FAT3: variants seen among roughly 807,000 people sequenced by gnomAD.
FAT3 encodes protocadherin Fat 3.
In FAT3, 95 loss-of-function variants were observed where a neutral mutation model predicts 310.2. The observed-to-expected ratio is 0.31, with a 90% CI of 0.26 to 0.36. FAT3 has a LOEUF of 0.36. Among genes scored for constraint, FAT3 ranks in the 10% least tolerant of loss-of-function variants. FAT3 has a pLI of 1.00. For synonymous variants in FAT3, 2,314 were observed against 2,192.9 expected, an observed-to-expected ratio of 1.06 and a Z score of -1.54; for missense variants, 5,408 against 5,715.6, an observed-to-expected ratio of 0.95 and a Z score of 1.74.
rs776072644 is a variant in FAT3 at position 92,799,004 on chromosome 11, C to T, written c.5991C>T (p.Asn1997=). 2 of 1,613,948 alleles carry T rather than the reference C, an allele frequency of 1.2e-6. No individual in the cohort carries two copies. Among genetic ancestry groups the T allele is most frequent in the South Asian group, 2.2e-5 (2 of 91,078 alleles). The change falls in exon 10 of 28, where the codon AAC becomes AAT. Residue 1997 remains asparagine, a synonymous_variant. Coordinates refer to ENST00000525166, the MANE Select transcript of FAT3 (RefSeq NM_001367949.2). ...CCTCAATCTCAGAGAACAACACTAACATAACCAAAGTTGCTATTGTCAATG... is the reference window on the plus strand; with the variant it reads ...CCTCAATCTCAGAGAACAACACTAATATAACCAAAGTTGCTATTGTCAATG... ...YSTSISENNT[N]ITKVAIVNAV... is the part of the protein sequence containing the mutation.
At chr11:92,342,257 C>T (rs1948283360) in intron 1 of FAT3, among the ~76,000 whole-genome samples, 1 of 152,136 alleles carries the variant, frequency 6.6e-6, no homozygotes. Context: ...TGCCCCTTCA[C>T]CTCAATGATG....
chr11:92,253,773 G>A (rs1022799530), intron 1 of FAT3, among the ~76,000 whole-genome samples: 1 of 152,058 alleles, frequency 6.6e-6, no homozygotes, highest in Non-Finnish European at 1.5e-5. Context: ...TTTTTTAAGA[G>A]GTGAGTTTTA....
intron 1 of FAT3, among the ~76,000 whole-genome samples, chr11:92,349,508 C>A (rs765011036): frequency 6.6e-6 from 1 of 152,220 alleles, no homozygotes; most frequent in Admixed American, 6.5e-5. Context: ...GTGGGCTTCG[C>A]CACTCTGCTA....
chr11:92,657,660 A>G lies in FAT3; in HGVS notation c.3608-39724A>G, dbSNP rs540768540. ...TTTGAACAACTAGGAATATTTATCA[A>G]ATTTTCAGAGGACATAAAGATAAAA... On this transcript the variant is annotated intron_variant, in intron 3 of 27. Coordinates refer to ENST00000525166, the MANE Select transcript of FAT3 (RefSeq NM_001367949.2). Among the ~76,000 whole-genome samples, 5 of 152,356 alleles carry G rather than the reference A, an allele frequency of 3.3e-5. No homozygotes were observed. In the East Asian group the frequency reaches 5.8e-4, roughly 18 times the overall value.
intron 3 of FAT3, among the ~76,000 whole-genome samples, chr11:92,663,299 G>T (rs533378700): frequency 6.6e-6 from 1 of 152,248 alleles, no homozygotes; most frequent in East Asian, 1.9e-4. Context: ...AGGAGTTAAG[G>T]GTGGGAGAAG....
intron 15 of FAT3, among the ~76,000 whole-genome samples, chr11:92,836,275 G>A (rs556573668): frequency 6.6e-6 from 1 of 152,256 alleles, no homozygotes; most frequent in Admixed American, 6.5e-5. Context: ...TTAGCTTTGG[G>A]CTCTAACCAT....
intron 4 of FAT3, among the ~76,000 whole-genome samples, chr11:92,731,002 G>A (rs959029364): frequency 5.9e-5 from 9 of 152,108 alleles, no homozygotes; most frequent in Non-Finnish European, 1.2e-4. Flanking sequence ...ATTCGGTTTT[G>A]TGTTGTCTTC....
intron 1 of FAT3, among the ~76,000 whole-genome samples, chr11:92,284,487 G>C (rs1331067048): frequency 6.6e-6 from 1 of 152,060 alleles, no homozygotes; most frequent in Non-Finnish European, 1.5e-5. Context: ...AGATAAAGGG[G>C]TCAGAAGGAG....
At chr11:92,837,575 C>A in intron 16 of FAT3, 88 bp from the exon 17 acceptor site, 2 of 1,499,472 alleles carry the variant, frequency 1.3e-6, no homozygotes, top group South Asian at 1.3e-5. Context: ...TTTAACAAAG[C>A]ACAGCCTGTA....
chr11:92,497,321 T>A (rs1408702901), intron 2 of FAT3, among the ~76,000 whole-genome samples: 1 of 152,084 alleles, frequency 6.6e-6, no homozygotes, highest in Non-Finnish European at 1.5e-5. Context: ...ACAGAGAAGA[T>A]ACAAATTCAA....
chr11:92,594,054 G>C (rs532292614), intron 3 of FAT3, among the ~76,000 whole-genome samples: 43 of 152,256 alleles, frequency 2.8e-4, no homozygotes, highest in African/African-American at 1.0e-3. Context: ...CATGGTGGGA[G>C]GTGTGGCACC....
At chr11:92,591,641 A>G (rs889862906) in intron 3 of FAT3, among the ~76,000 whole-genome samples, 3 of 152,130 alleles carry the variant, frequency 2.0e-5, no homozygotes, top group Middle Eastern at 3.2e-3. Flanking sequence ...GACTAGGAGG[A>G]ATACCAAGTC....
intron 2 of FAT3, among the ~76,000 whole-genome samples, chr11:92,466,722 T>TCCCTCC (rs1722057905): frequency 8.9e-6 from 1 of 111,914 alleles, no homozygotes; most frequent in Admixed American, 9.7e-5. Flanking sequence ...CCTAATGCTA[T>TCCCTCC]CCCTCCCCCC....
intron 1 of FAT3, among the ~76,000 whole-genome samples, chr11:92,268,041 C>T (rs1591030612): frequency 1.3e-5 from 2 of 149,372 alleles, no homozygotes; most frequent in East Asian, 3.9e-4. Flanking sequence ...AGTTATCTGC[C>T]CTAAGTCCTT....
At chr11:92,772,430 A>ATG (rs1946482794) in intron 6 of FAT3, among the ~76,000 whole-genome samples, 1 of 151,972 alleles carries the variant, frequency 6.6e-6, no homozygotes, top group Admixed American at 6.6e-5. Flanking sequence ...ATTTTATTTC[A>ATG]TGTTGTTATC....
At chr11:92,386,711 C>G (rs1207069709) in intron 2 of FAT3, among the ~76,000 whole-genome samples, 1 of 152,164 alleles carries the variant, frequency 6.6e-6, no homozygotes, top group East Asian at 1.9e-4. Flanking sequence ...CCATTTGGTA[C>G]TCAGTTTGAG....
At chr11:92,468,878 A>G (rs1395942694) in intron 2 of FAT3, among the ~76,000 whole-genome samples, 1 of 152,214 alleles carries the variant, frequency 6.6e-6, no homozygotes, top group Non-Finnish European at 1.5e-5. Flanking sequence ...CAGCCATATC[A>G]TATCAGAGGG....
At chr11:92,768,790 T>C (rs1423824319) in intron 6 of FAT3, among the ~76,000 whole-genome samples, 1 of 152,194 alleles carries the variant, frequency 6.6e-6, no homozygotes, top group Non-Finnish European at 1.5e-5. Context: ...GATATAAGTA[T>C]GGGCCTTGCC....
chr11:92,709,022 C>T (rs1041091984), intron 4 of FAT3, among the ~76,000 whole-genome samples: 4 of 152,128 alleles, frequency 2.6e-5, no homozygotes, highest in Non-Finnish European at 4.4e-5. Flanking sequence ...ACCGAGGCAC[C>T]CAAGCTCCAA....
Sources: gnomAD v4.1 joint callset for allele counts (sites outside exome capture counted in the v4.1 genomes callset) on GRCh38, gnomAD v4.1.1 for gene constraint, MANE v1.5 for transcripts, NCBI Gene and HGNC (gene_info 2026-07-23, HGNC 2026-07-21) for gene names.